The following OSBPL7 variants were observed in gnomAD, a reference collection of about 807,000 sequenced individuals.
OSBPL7 encodes the protein oxysterol-binding protein-related protein 7.
A neutral mutation model predicts 115.8 loss-of-function variants in OSBPL7; 66 were observed. The observed-to-expected ratio is 0.57, with a 90% CI of 0.47 to 0.70. The LOEUF (loss-of-function observed/expected upper bound fraction) is 0.70, where lower values mean the gene tolerates loss of function less well. OSBPL7 is among the 30% of genes least tolerant of loss of function. The pLI, the probability that OSBPL7 is intolerant of heterozygous loss-of-function variation, is 0.00. For synonymous variants in OSBPL7, 441 were observed against 439.2 expected (o/e 1.00, Z -0.05); for missense variants, 902 against 1,125.5 (o/e 0.80, Z 2.84).
At position 47,817,215 on chromosome 17, in the gene OSBPL7, G is replaced by A. The variant is rs764689600; in HGVS notation, c.702+41C>T. The A allele has an allele frequency of 1.9e-5, 27 of 1,456,932 alleles. No individual in the cohort carries two copies. In the South Asian group the frequency reaches 2.0e-4, roughly 11 times the overall value. 90.3% of individuals were successfully genotyped at this position (1,456,932 alleles called of 1,614,324 possible). The stretch of plus-strand genomic sequence containing the variant: ...CCCATCCTGGGGAAGTGATGGGATC[G>A]GGGGCCTGAGCAGGACCCTGTGTGT... On this transcript the variant is annotated intron_variant, in intron 8 of 22. Coordinates refer to ENST00000007414, the MANE Select transcript of OSBPL7 (RefSeq NM_145798.3).
At chr17:47,814,736 TG>T in intron 13 of OSBPL7, 122 bp from the exon 14 acceptor site, 3 of 820,692 alleles carry the variant, frequency 3.7e-6, no homozygotes, top group Non-Finnish European at 3.9e-6. Flanking sequence ...GAGAATGTAT[TG>T]GGGGCACTCT....
chr17:47,813,347 G>A lies in OSBPL7; in HGVS notation c.1656C>T (p.Gly552=). The A allele has an allele frequency of 1.2e-6, 2 of 1,614,118 alleles. No homozygotes were observed. Among genetic ancestry groups the A allele is most frequent in the Non-Finnish European group, 1.7e-6 (2 of 1,180,038 alleles). ...CCAGGACAGGGTTGAAGGGCTTGCA[G>A]CCGGCTCGGTGGTATGTGGAGGAGT... ...SAYSSTYHRA[G]CKPFNPVLGE... The change falls in exon 16 of 23, where the codon GGC becomes GGT. Residue 552 remains glycine (G), a synonymous_variant. Transcript: ENST00000007414.
At position 47,810,575 on chromosome 17, in the gene OSBPL7, G is replaced by A. The variant is rs771978642; in HGVS notation, c.1880+19C>T. 3 of 1,607,856 alleles carry A rather than the reference G, an allele frequency of 1.9e-6. No individual in the cohort carries two copies. The Admixed American group carries it at 5.0e-5, about 27-fold the overall frequency. On this transcript the variant is annotated intron_variant, in intron 18 of 22. Coordinates refer to ENST00000007414, the MANE Select transcript of OSBPL7 (RefSeq NM_145798.3). ...TTGCCTGTGGCTTGGCCTGGCTGCT[G>A]AGAGTCTAAGAATCCCACCTGGGCA...
intron 16 of OSBPL7, among the ~76,000 whole-genome samples, chr17:47,812,236 G>A (rs1598015714): frequency 1.3e-5 from 2 of 152,144 alleles, no homozygotes; most frequent in Admixed American, 1.3e-4. Flanking sequence ...CCTCACGCAG[G>A]AAGCCGATGA....
In OSBPL7 at chr17:47,808,081, A is replaced by C; in HGVS notation, c.*210T>G. ...TTGTCTGGGGCAAGGAGACTGGGGA[A>C]GCACAGATTCTGCTTCTCACCCCAA... is the stretch of plus-strand genomic sequence containing the variant. On this transcript the variant is annotated 3_prime_UTR_variant, in exon 23 of 23. Coordinates refer to ENST00000007414, the MANE Select transcript of OSBPL7 (RefSeq NM_145798.3). This position sits in a 1 kb window ranked among gnomAD's most constrained non-coding sequence, Gnocchi z 6.1. 6.9e-6 allele frequency: 4 copies of C among 580,520 alleles called. No individual in the cohort carries two copies. Among genetic ancestry groups the C allele is most frequent in the Non-Finnish European group, 1.2e-5 (4 of 324,098 alleles). The allele number at this position is 580,520 out of a possible 1,614,324, so 36.0% of individuals were successfully genotyped here. A position where few individuals can be genotyped will look rare whatever the true frequency, so the allele number is the denominator to read the frequency against.
chr17:47,817,987 C>T (rs7214694), intron 7 of OSBPL7, among the ~76,000 whole-genome samples: 28,741 of 152,186 alleles, frequency 0.19, 3,424 homozygotes, highest in African/African-American at 0.34. Flanking sequence ...CCTTCCCTGG[C>T]GCTACTCCTC....
chr17:47,819,868 T>C lies in OSBPL7; in HGVS notation c.202-86A>G, dbSNP rs1300102621. The C allele has an allele frequency of 3.7e-6, 6 of 1,609,652 alleles. No homozygotes were observed. In the African/African-American group the frequency reaches 6.7e-5, roughly 18 times the overall value. On this transcript the variant is annotated intron_variant, in intron 3 of 22. Coordinates refer to ENST00000007414, the MANE Select transcript of OSBPL7 (RefSeq NM_145798.3). ...AGGCAACCACACAAATTAGCTTTTC[T>C]TTTCCTTCTCATCATGCAAACACCA...
Position 47,818,558 on chromosome 17 carries a change from G to A in OSBPL7, c.428C>T (p.Ala143Val), listed in dbSNP as rs950220295. 2 of 1,612,118 alleles carry A rather than the reference G, an allele frequency of 1.2e-6. No homozygotes were observed. Among genetic ancestry groups the A allele is most frequent in the Non-Finnish European group, 1.7e-6 (2 of 1,179,100 alleles). Residue 143 changes from alanine to valine, a missense_variant, in exon 6 of 23, where the codon GCC becomes GTC. Physicochemically the swap from Ala to Val is moderately conservative, Grantham distance 64. This residue lies in a region of OSBPL7 where 667 missense variants were observed against 788.7 expected (regional missense o/e 0.85). Coordinates refer to ENST00000007414, the MANE Select transcript of OSBPL7 (RefSeq NM_145798.3). ...GCCACGGGGCATGTCCAGGCGGTGG[G>A]CTAGGCGGTGGGCACGCAGCTGCGC... ...WVAQLRAHRL[A>V]HRLDMPRGSL...
chr17:47,815,346 C>A lies in OSBPL7; in HGVS notation c.1126G>T (p.Ala376Ser). ...AGCTCGCGCCCCTTCATGTACAGAG[C>A]TTCTTGCTGTGGGAGCAGCCAGATG... ...FSSLNPEEQE[A>S]LYMKGRELTP... Residue 376 changes from alanine to serine, a missense_variant, in exon 13 of 23, where the codon GCT becomes TCT. By Grantham distance (99) the Ala-to-Ser change is moderately conservative. Transcript: ENST00000007414. 2 of 1,613,562 alleles carry A rather than the reference C, an allele frequency of 1.2e-6. No individual in the cohort carries two copies. The highest frequency in any genetic ancestry group is 2.2e-5 in the South Asian group (2 of 91,014).
chr17:47,808,724 C>G lies in OSBPL7; in HGVS notation c.2298-64G>C. 7 of 1,608,618 alleles carry G rather than the reference C, an allele frequency of 4.4e-6. No homozygotes were observed. The South Asian group carries it at 7.7e-5, about 18-fold the overall frequency. On this transcript the variant is annotated intron_variant, in intron 21 of 22. Coordinates refer to ENST00000007414, the MANE Select transcript of OSBPL7 (RefSeq NM_145798.3). The surrounding 1 kb of genome is among the most constrained non-coding windows in gnomAD (Gnocchi z 6.1). ...GCAGGGGCCCCCAAACCCAAGGCCTCTGTCTCTGCCCAACTCTGTCCTCTA... is the reference window on the plus strand; with the variant it reads ...GCAGGGGCCCCCAAACCCAAGGCCTGTGTCTCTGCCCAACTCTGTCCTCTA...
intron 16 of OSBPL7, 124 bp downstream of exon 16, chr17:47,813,142 A>G: frequency 1.5e-6 from 2 of 1,339,800 alleles, no homozygotes; most frequent in Non-Finnish European, 2.0e-6. Flanking sequence ...AGAGCCCGGC[A>G]CAGAGCCAAC....
Position 47,808,162 on chromosome 17 carries a change from G to A in OSBPL7, c.*129C>T, listed in dbSNP as rs887574646. On this transcript the variant is annotated 3_prime_UTR_variant, in exon 23 of 23. Transcript: ENST00000007414. This position sits in a 1 kb window ranked among gnomAD's most constrained non-coding sequence, Gnocchi z 6.1. Reference sequence around the variant, plus strand: ...GACCCTCTGGCCAGCAGAGGGGAGGGAGGGCCAGGGCTGCCCCTTTGGTCT... The same window carrying A: ...GACCCTCTGGCCAGCAGAGGGGAGGAAGGGCCAGGGCTGCCCCTTTGGTCT... The A allele has an allele frequency of 1.2e-5, 8 of 683,622 alleles. No individual in the cohort carries two copies. Among genetic ancestry groups the A allele is most frequent in the African/African-American group, 1.1e-4 (6 of 55,906 alleles). The allele number at this position is 683,622 out of a possible 1,614,324, so 42.3% of individuals were successfully genotyped here.
chr17:47,815,835 C>T (rs2033196768), intron 12 of OSBPL7: 1 of 392,242 alleles, frequency 2.5e-6, no homozygotes, highest in Non-Finnish European at 4.6e-6. Flanking sequence ...CTGAGCCCAC[C>T]CATTAGATCC....
At chr17:47,811,755 G>A (rs2033049703) in intron 16 of OSBPL7, among the ~76,000 whole-genome samples, 1 of 152,192 alleles carries the variant, frequency 6.6e-6, no homozygotes, top group Non-Finnish European at 1.5e-5. Flanking sequence ...CCCCCAGGCT[G>A]CCCACTCCTC....
At position 47,816,874 on chromosome 17, in the gene OSBPL7, T is replaced by A; in HGVS notation, c.703-2A>T. 1.9e-6 allele frequency: 3 copies of A among 1,613,836 alleles called. No homozygotes were observed. The highest frequency in any genetic ancestry group is 2.5e-6 in the Non-Finnish European group (3 of 1,179,982). Reference sequence around the variant, plus strand: ...GGGTCTTTCGGTTGTCACTGAGGCCTGGCAAGTCAAGGTGGGGGCAATTTT... The same window carrying A: ...GGGTCTTTCGGTTGTCACTGAGGCCAGGCAAGTCAAGGTGGGGGCAATTTT... On this transcript the variant is annotated splice_acceptor_variant, in intron 8 of 22. Transcript: ENST00000007414. LOFTEE classifies it high-confidence loss of function. The surrounding 1 kb of genome is among the most constrained non-coding windows in gnomAD (Gnocchi z 5.8).
chr17:47,813,923 C>T, intron 14 of OSBPL7, 89 bp from the exon 15 acceptor site: 2 of 1,465,256 alleles, frequency 1.4e-6, no homozygotes, highest in Non-Finnish European at 1.8e-6. Flanking sequence ...GCCCAGCTGC[C>T]TCCCAAGCCC....
rs138189953 is a variant in OSBPL7, at chr17:47,820,219, G to A, written c.60C>T (p.Pro20=). Residue 20 remains proline, a synonymous_variant, in exon 2 of 23, where the codon CCC becomes CCT. Transcript: ENST00000007414. ...FLPESAQSSK[P]SSAQQASELW... is the part of the protein sequence containing the mutation. Reference sequence around the variant, plus strand: ...ACTCTCTGACCTGCTGAGCACTGCTGGGCTTTGAGGACTGAGCGCTCTCAG... The same window carrying A: ...ACTCTCTGACCTGCTGAGCACTGCTAGGCTTTGAGGACTGAGCGCTCTCAG... 7.4e-6 allele frequency: 12 copies of A among 1,613,856 alleles called. No individual in the cohort carries two copies. The African/African-American group carries it at 1.5e-4, about 20-fold the overall frequency.
intron 7 of OSBPL7, among the ~76,000 whole-genome samples, chr17:47,817,680 C>T (rs935899166): frequency 7.2e-5 from 11 of 152,114 alleles, no homozygotes; most frequent in Non-Finnish European, 8.8e-5. Flanking sequence ...CATGAGCCAC[C>T]GAACCCAGCC....
chr17:47,809,025 A>G lies in OSBPL7; in HGVS notation c.2171-35T>C, dbSNP rs551673185. On this transcript the variant is annotated intron_variant, in intron 20 of 22. Transcript: ENST00000007414. ...GGCAAGGGGCTGGGGCAGGTGCACCATGCCTGAGCTGCTCCAGCCTCACCC... is the reference window on the plus strand; with the variant it reads ...GGCAAGGGGCTGGGGCAGGTGCACCGTGCCTGAGCTGCTCCAGCCTCACCC... The G allele has an allele frequency of 3.9e-5, 63 of 1,613,716 alleles. No individual in the cohort carries two copies. In the East Asian group the frequency reaches 1.2e-3, roughly 32 times the overall value.
Sources: gnomAD v4.1 joint callset for allele counts (sites outside exome capture counted in the v4.1 genomes callset) on GRCh38, gnomAD v4.1.1 for gene constraint, gnomAD v4.1.1 regional missense constraint, Gnocchi (gnomAD v3.1) non-coding constraint, MANE v1.5 for transcripts, NCBI Gene and HGNC (gene_info 2026-07-23, HGNC 2026-07-21) for gene names.